LEMD1: variants seen among roughly 807,000 people sequenced by gnomAD.
LEMD1 encodes the protein LEM domain-containing protein 1.
Under a neutral mutation model 17.4 loss-of-function variants are expected in LEMD1, and 18 were observed. The observed-to-expected ratio is 1.04, with a 90% CI of 0.72 to 1.54. The LOEUF is 1.54. Ranked by LOEUF, LEMD1 falls within the 40% of genes most tolerant of loss-of-function variation. The pLI, the probability that LEMD1 is intolerant of heterozygous loss-of-function variation, is 0.00. For synonymous variants in LEMD1, 88 were observed against 77.8 expected (o/e 1.13, Z -0.69); for missense variants, 195 against 210.4 (o/e 0.93, Z 0.45).
At chr1:205,387,918 A>G (rs1040527938) in intron 4 of LEMD1, among the ~76,000 whole-genome samples, 1 of 152,238 alleles carries the variant, frequency 6.6e-6, no homozygotes, top group Non-Finnish European at 1.5e-5. Context: ...CACCATTCTA[A>G]GCATTTTACA....
chr1:205,435,267 A>C (rs1666187999), intron 1 of LEMD1: 1 of 152,244 alleles, frequency 6.6e-6, no homozygotes, highest in Admixed American at 6.5e-5. Flanking sequence ...GGGGAACGTT[A>C]GCACCATTGA....
rs1221159880 is a variant in LEMD1 at position 205,441,492 on chromosome 1, T to C, written c.-39+8376A>G. The stretch of plus-strand genomic sequence containing the variant: ...GGGGCTTCCACTCGCTTCTGCAGGT[T>C]GCACACACGACAGGCCCTCCTCCAT... On this transcript the variant is annotated intron_variant, in intron 1 of 3. Transcript: ENST00000367154. The surrounding 1 kb of genome is among the most constrained non-coding windows in gnomAD (Gnocchi z 4.3). Among the ~76,000 whole-genome samples, 1 of 152,190 alleles carries C rather than the reference T, an allele frequency of 6.6e-6. No individual in the cohort carries two copies. The highest frequency in any genetic ancestry group is 2.4e-5 in the African/African-American group (1 of 41,448).
At chr1:205,405,678 G>A (rs377034659) in intron 4 of LEMD1, among the ~76,000 whole-genome samples, 275 of 151,792 alleles carry the variant, frequency 1.8e-3, no homozygotes, top group Middle Eastern at 6.8e-3. Flanking sequence ...TAGTTTGATC[G>A]TCTGAAGCCT....
In LEMD1 at chr1:205,381,627, C is replaced by T. The variant is rs575343940; in HGVS notation, c.*31G>A. On this transcript the variant is annotated 3_prime_UTR_variant, in exon 6 of 6. Coordinates refer to ENST00000367153, the MANE Select transcript of LEMD1 (RefSeq NM_001199050.2). ...GGTTCTTTCCTGAAGCAGGAGGCCTCGCTTGGAGCATTGCTTTGCTCCTAA... is the reference window on the plus strand; with the variant it reads ...GGTTCTTTCCTGAAGCAGGAGGCCTTGCTTGGAGCATTGCTTTGCTCCTAA... 69 of 1,607,474 alleles carry T rather than the reference C, an allele frequency of 4.3e-5. No individual in the cohort carries two copies. In the South Asian group the frequency reaches 4.8e-4, roughly 11 times the overall value.
intron 2 of LEMD1, among the ~76,000 whole-genome samples, chr1:205,420,087 G>A (rs751039666): frequency 6.6e-6 from 1 of 152,196 alleles, no homozygotes; most frequent in Non-Finnish European, 1.5e-5. Flanking sequence ...GGAGGCCAAG[G>A]CAGGTGGAGT....
chr1:205,417,753 G>A (rs1192847422), intron 3 of LEMD1, among the ~76,000 whole-genome samples: 2 of 151,782 alleles, frequency 1.3e-5, no homozygotes, highest in Non-Finnish European at 2.9e-5. Context: ...TTTTCAGAGG[G>A]CCCCAGGCAC....
intron 4 of LEMD1, among the ~76,000 whole-genome samples, chr1:205,410,243 A>G (rs1665325716): frequency 3.9e-5 from 6 of 152,072 alleles, no homozygotes. Flanking sequence ...TTTGATACCC[A>G]TATTCTTTGT....
intron 1 of LEMD1, among the ~76,000 whole-genome samples, chr1:205,446,786 GC>G (rs1171364536): frequency 1.1e-4 from 17 of 152,168 alleles, no homozygotes; most frequent in African/African-American, 3.4e-4. Flanking sequence ...AACCCAGAGG[GC>G]AAGTAAGAAA....
At position 205,407,294 on chromosome 1, in the gene LEMD1, C is replaced by T. The variant is rs149571120; in HGVS notation, c.270+8938G>A. On this transcript the variant is annotated intron_variant, in intron 4 of 5. Transcript: ENST00000367153. ...GCAGTAAGCTGAAATCGCACCATTG[C>T]ACTCCAGCCTGGGCAACACAGAAAG... Among the ~76,000 whole-genome samples, 112 of 145,962 alleles carry T rather than the reference C, an allele frequency of 7.7e-4. 1 individual carries two copies. The highest frequency in any genetic ancestry group is 7.2e-3 in the Middle Eastern group (2 of 276).
chr1:205,389,577 G>A (rs774258694), intron 4 of LEMD1, among the ~76,000 whole-genome samples: 6 of 152,150 alleles, frequency 3.9e-5, no homozygotes, highest in Admixed American at 6.5e-5. Flanking sequence ...ACTCCTTACC[G>A]CTGGACTTGG....
At chr1:205,405,749 C>A (rs1162605084) in intron 4 of LEMD1, among the ~76,000 whole-genome samples, 1 of 151,518 alleles carries the variant, frequency 6.6e-6, no homozygotes, top group Non-Finnish European at 1.5e-5. Flanking sequence ...TGGTGAGGAA[C>A]TGCGTTCCTT....
chr1:205,445,845 C>T (rs770385444), intron 1 of LEMD1, among the ~76,000 whole-genome samples: 40 of 152,092 alleles, frequency 2.6e-4, no homozygotes, highest in Admixed American at 2.4e-3. Flanking sequence ...GTCAAACTTT[C>T]GAAAGATGGG....
chr1:205,392,564 A>G (rs563476563), intron 4 of LEMD1, among the ~76,000 whole-genome samples: 39 of 152,142 alleles, frequency 2.6e-4, no homozygotes, highest in African/African-American at 9.4e-4. Context: ...ATTAGAACTG[A>G]AAAAAATACA....
In LEMD1 at chr1:205,401,158, C is replaced by T. The variant is rs1406279808; in HGVS notation, c.270+15074G>A. Among the ~76,000 whole-genome samples the T allele has an allele frequency of 2.0e-3, 304 of 151,398 alleles. 1 individual carries two copies. Among genetic ancestry groups the T allele is most frequent in the African/African-American group, 6.8e-3 (283 of 41,332 alleles). ...TGTGAATAGTGCCGCAATAAACATA[C>T]GTGTGCATGTGTCTTTATAGCAGCA... On this transcript the variant is annotated intron_variant, in intron 4 of 5. Transcript: ENST00000367153.
At chr1:205,437,039 C>G (rs1666221144) in intron 1 of LEMD1, 1 of 152,678 alleles carries the variant, frequency 6.5e-6, no homozygotes, top group Non-Finnish European at 1.5e-5. Context: ...GGCTGTGGCT[C>G]TCCATCCAGA....
intron 4 of LEMD1, among the ~76,000 whole-genome samples, chr1:205,403,037 C>T (rs991146068): frequency 6.6e-6 from 1 of 151,860 alleles, no homozygotes; most frequent in Admixed American, 6.6e-5. Context: ...AGCCTTGCAA[C>T]CCAGGGATGA....
At chr1:205,440,201 C>T (rs1434767644) in intron 1 of LEMD1, among the ~76,000 whole-genome samples, 1 of 152,132 alleles carries the variant, frequency 6.6e-6, no homozygotes, top group African/African-American at 2.4e-5. Context: ...GGGAACAGGC[C>T]TCCCCACATC....
At chr1:205,436,313 T>C (rs968913948) in intron 1 of LEMD1, 4 of 152,206 alleles carry the variant, frequency 2.6e-5, no homozygotes, top group African/African-American at 9.7e-5. Flanking sequence ...GTATGACGAC[T>C]TCCTCCAGGG....
intron 4 of LEMD1, among the ~76,000 whole-genome samples, chr1:205,402,544 G>T (rs1664900406): frequency 6.6e-6 from 1 of 152,172 alleles, no homozygotes; most frequent in African/African-American, 2.4e-5. Context: ...TTTGTATATT[G>T]ATTTAGTGTC....
Sources: gnomAD v4.1 joint callset for allele counts (sites outside exome capture counted in the v4.1 genomes callset) on GRCh38, gnomAD v4.1.1 for gene constraint, Gnocchi (gnomAD v3.1) non-coding constraint, MANE v1.5 for transcripts, NCBI Gene and HGNC (gene_info 2026-07-23, HGNC 2026-07-21) for gene names.